Variants in TRIM51G observed in about 807,000 individuals in gnomAD.
The protein encoded by TRIM51G is tripartite motif-containing protein 51G.
chr11:48,980,930 T>G, the TRIM51G span: 4 of 495,480 alleles, frequency 8.1e-6, 1 homozygote, highest in South Asian at 6.0e-5. Context: ...TTCTGTTGGT[T>G]GCCATATTCA....
chr11:48,982,657 C>A, the TRIM51G span, among the ~76,000 whole-genome samples: 1 of 151,868 alleles, frequency 6.6e-6, no homozygotes, highest in African/African-American at 2.4e-5. Flanking sequence ...AGGACACTAG[C>A]TTAATGACAG....
chr11:48,975,768 T>C, the TRIM51G span: 1 of 1,563,712 alleles, frequency 6.4e-7, no homozygotes, highest in Non-Finnish European at 8.8e-7. Context: ...GTCTCTTCTC[T>C]TTCCAATAAT....
chr11:48,977,136 A>G, the TRIM51G span: 290,261 of 1,286,534 alleles, frequency 0.23, 41,404 homozygotes, highest in African/African-American at 0.3. Flanking sequence ...CCTGCACTGA[A>G]CTCTGGATTC....
the TRIM51G span, among the ~76,000 whole-genome samples, chr11:48,983,731 G>A: frequency 6.6e-6 from 1 of 151,892 alleles, no homozygotes; most frequent in Admixed American, 6.6e-5. Context: ...CATATAAGTT[G>A]CACTCACCCC....
the TRIM51G span, chr11:48,981,366 C>T: frequency 6.2e-7 from 1 of 1,607,586 alleles, no homozygotes. Context: ...GCAAACAGAG[C>T]AGGCTCTTGT....
chr11:48,975,528 GA>G, the TRIM51G span: 20 of 1,395,340 alleles, frequency 1.4e-5, no homozygotes, highest in Admixed American at 1.3e-4. Context: ...TGATAGGCCA[GA>G]GAGGAGGTGA....
At chr11:48,982,973 A>G in the TRIM51G span, among the ~76,000 whole-genome samples, 506 of 104,840 alleles carry the variant, frequency 4.8e-3, no homozygotes, top group Middle Eastern at 0.028. Context: ...ATATATATAT[A>G]TATATATATA....
At chr11:48,981,309 A>C in the TRIM51G span, 26 of 1,606,090 alleles carry the variant, frequency 1.6e-5, no homozygotes, top group Non-Finnish European at 2.2e-5. Flanking sequence ...CAGCCCACTC[A>C]GTGGGACAGT....
the TRIM51G span, chr11:48,975,974 T>G: frequency 8.5e-6 from 6 of 703,682 alleles, no homozygotes; most frequent in East Asian, 1.7e-4. Flanking sequence ...CTACTGGCTC[T>G]TGCATGCTGC....
the TRIM51G span, chr11:48,975,810 G>A: frequency 1.3e-6 from 2 of 1,490,466 alleles, no homozygotes; most frequent in African/African-American, 2.8e-5. Context: ...AATTCCAAGA[G>A]TGCCCCATGT....
the TRIM51G span, among the ~76,000 whole-genome samples, chr11:48,979,484 G>T: frequency 1.6e-4 from 24 of 152,164 alleles, 1 homozygote; most frequent in South Asian, 4.4e-3. Context: ...TATGACAAAT[G>T]ATGACATGAC....
chr11:48,983,549 A>T, the TRIM51G span, among the ~76,000 whole-genome samples: 1 of 151,898 alleles, frequency 6.6e-6, no homozygotes, highest in Non-Finnish European at 1.5e-5. Context: ...ATTTTTCAAA[A>T]ATATATTAAA....
the TRIM51G span, among the ~76,000 whole-genome samples, chr11:48,983,691 C>T: frequency 1.3e-5 from 2 of 151,786 alleles, no homozygotes; most frequent in Admixed American, 6.6e-5. Flanking sequence ...GTAATTTACT[C>T]TTTTAAAGGA....
the TRIM51G span, chr11:48,975,647 T>C: frequency 7.0e-7 from 1 of 1,422,758 alleles, no homozygotes; most frequent in Middle Eastern, 1.8e-4. Flanking sequence ...TCTGTAGGTC[T>C]TGGAACATAT....
the TRIM51G span, chr11:48,975,589 A>G: frequency 4.3e-6 from 6 of 1,386,330 alleles, no homozygotes; most frequent in Middle Eastern, 1.8e-4. Flanking sequence ...ATCCACATCA[A>G]CAAAGCTCAC....
the TRIM51G span, chr11:48,981,758 A>C: frequency 1.3e-6 from 2 of 1,493,178 alleles, no homozygotes; most frequent in Non-Finnish European, 9.3e-7. Context: ...ATCTGTGAAC[A>C]TATCACCATA....
At chr11:48,976,142 GA>G in the TRIM51G span, 2 of 351,252 alleles carry the variant, frequency 5.7e-6, no homozygotes, top group South Asian at 4.6e-5. Context: ...CAACATTTAA[GA>G]AAGTATAAGG....
At chr11:48,978,018 A>G in the TRIM51G span, 1 of 452,590 alleles carries the variant, frequency 2.2e-6, no homozygotes, top group South Asian at 1.6e-5. Context: ...GGGGATGGAG[A>G]AAGTACAACC....
At chr11:48,978,789 G>C in the TRIM51G span, 2 of 683,096 alleles carry the variant, frequency 2.9e-6, no homozygotes, top group Non-Finnish European at 2.7e-6. Flanking sequence ...TGGAAGTAAA[G>C]GGGGAGACGG....
Sources: allele counts gnomAD v4.1 joint callset (sites outside exome capture counted in the v4.1 genomes callset), GRCh38; gene constraint gnomAD v4.1.1; transcripts MANE v1.5; gene names NCBI Gene and HGNC (gene_info 2026-07-23, HGNC 2026-07-21).